The following CPEB1 variants were observed in gnomAD, a reference collection of about 807,000 sequenced individuals.
The protein encoded by CPEB1 is cytoplasmic polyadenylation element-binding protein 1.
Under a neutral mutation model 65.8 loss-of-function variants are expected in CPEB1, and 7 were observed. That is an observed-to-expected ratio of 0.11 (90% confidence interval 0.06 to 0.20). The LOEUF is 0.20. Among genes scored for constraint, CPEB1 ranks in the 10% least tolerant of loss-of-function variants. The probability of loss-of-function intolerance (pLI) is 1.00; values close to 1 mark genes in which losing one functional copy is unlikely to be tolerated. For missense variants in CPEB1, 551 were observed against 712.2 expected (o/e 0.77, Z 2.58); for synonymous variants, 262 against 260.0 (o/e 1.01, Z -0.08).
intron 3 of CPEB1, among the ~76,000 whole-genome samples, chr15:82,612,725 T>G (rs1360616363): frequency 6.6e-6 from 1 of 151,794 alleles, no homozygotes; most frequent in Non-Finnish European, 1.5e-5. Context: ...TCCCAGCTAC[T>G]CAGGAGGCTG....
In CPEB1 at chr15:82,571,657, G is replaced by A. The variant is rs1469030000; in HGVS notation, c.272-125C>T. 4 of 1,455,804 alleles carry A rather than the reference G, an allele frequency of 2.7e-6. No individual in the cohort carries two copies. In the African/African-American group the frequency reaches 5.7e-5, roughly 21 times the overall value. The allele number at this position is 1,455,804 out of a possible 1,614,324, so 90.2% of individuals were successfully genotyped here. A position where few individuals can be genotyped will look rare whatever the true frequency, so the allele number is the denominator to read the frequency against. On this transcript the variant is annotated intron_variant, in intron 3 of 12. Transcript: ENST00000684509. ...ACAGGCCAGACATCCAAGCTGGCTG[G>A]ATGCTGCAGCCGCTGCCTCTGCACT...
At chr15:82,574,042 CA>C (rs1190571540) in intron 3 of CPEB1, among the ~76,000 whole-genome samples, 1 of 152,132 alleles carries the variant, frequency 6.6e-6, no homozygotes, top group Non-Finnish European at 1.5e-5. Flanking sequence ...CAGGCCTGAG[CA>C]ACAGGTCTGT....
chr15:82,565,100 A>G (rs1431986156), intron 4 of CPEB1, among the ~76,000 whole-genome samples: 1 of 152,208 alleles, frequency 6.6e-6, no homozygotes, highest in Non-Finnish European at 1.5e-5. Context: ...GAAGATACCA[A>G]GAAGACAAGA....
chr15:82,639,469 G>A (rs1386818108), intron 1 of CPEB1, among the ~76,000 whole-genome samples: 1 of 150,048 alleles, frequency 6.7e-6, no homozygotes, highest in Non-Finnish European at 1.5e-5. Context: ...AATCATGTGG[G>A]TATTCTTTTG....
At chr15:82,616,802 G>A (rs1337406076) in intron 3 of CPEB1, among the ~76,000 whole-genome samples, 8 of 152,100 alleles carry the variant, frequency 5.3e-5, no homozygotes, top group Non-Finnish European at 1.0e-4. Context: ...GCAAATATAT[G>A]CATTTAAATC....
Position 82,591,839 on chromosome 15 carries a change from G to C in CPEB1, c.272-20307C>G, listed in dbSNP as rs1209347509. Among the ~76,000 whole-genome samples, 4 of 148,486 alleles carry C rather than the reference G, an allele frequency of 2.7e-5. 1 individual carries two copies. Among genetic ancestry groups the C allele is most frequent in the Non-Finnish European group, 6.0e-5 (4 of 67,034 alleles). On this transcript the variant is annotated intron_variant, in intron 3 of 12. Coordinates refer to ENST00000684509, the MANE Select transcript of CPEB1 (RefSeq NM_001365242.1). ...TTCATCATTGTTTTAGTTTGTATCA[G>C]AACTTTTTTTTTTTTTTTTTTAAGA...
At position 82,555,856 on chromosome 15, in the gene CPEB1, C is replaced by A; in HGVS notation, c.940+14G>T. 6.2e-7 allele frequency: 1 copy of A among 1,605,558 alleles called. No individual in the cohort carries two copies. The highest frequency in any genetic ancestry group is 1.1e-5 in the South Asian group (1 of 89,462). On this transcript the variant is annotated intron_variant, in intron 6 of 12. Coordinates refer to ENST00000684509, the MANE Select transcript of CPEB1 (RefSeq NM_001365242.1). ...TGAGGCCTCAGGCCTCACACATGCT[C>A]AAGGCACACTCACCTGCAGCTTGTC...
At chr15:82,633,412 G>A (rs1368903531) in intron 1 of CPEB1, among the ~76,000 whole-genome samples, 2 of 152,146 alleles carry the variant, frequency 1.3e-5, no homozygotes, top group Admixed American at 6.5e-5. Context: ...TGCTCTTGTC[G>A]CCCACGCTGG....
At chr15:82,601,342 AC>A (rs1166665399) in intron 3 of CPEB1, among the ~76,000 whole-genome samples, 1 of 151,700 alleles carries the variant, frequency 6.6e-6, no homozygotes, top group African/African-American at 2.4e-5. Context: ...GGAGTCCAAG[AC>A]CAGCCAGGCC....
intron 3 of CPEB1, among the ~76,000 whole-genome samples, chr15:82,593,222 A>G (rs543465764): frequency 1.3e-5 from 2 of 152,336 alleles, no homozygotes; most frequent in South Asian, 2.1e-4. Flanking sequence ...ATGCTGTTTG[A>G]TAACATTTTA....
intron 1 of CPEB1, among the ~76,000 whole-genome samples, chr15:82,640,355 C>G (rs2047007147): frequency 2.6e-5 from 4 of 152,158 alleles, no homozygotes; most frequent in Admixed American, 2.6e-4. Flanking sequence ...TTTTTATACT[C>G]ATATGTGCTC....
intron 11 of CPEB1, 98 bp from the exon 12 acceptor site, chr15:82,546,619 G>T: frequency 1.2e-6 from 1 of 864,190 alleles, no homozygotes; most frequent in Non-Finnish European, 2.0e-6. Flanking sequence ...ACACAGGAAT[G>T]CGGGATATTG....
chr15:82,620,959 A>G (rs751162239), intron 3 of CPEB1, among the ~76,000 whole-genome samples: 28 of 152,368 alleles, frequency 1.8e-4, no homozygotes, highest in Admixed American at 4.6e-4. Context: ...GTACACTCAT[A>G]CTTTTCTGTA....
At chr15:82,614,691 T>C (rs1183476286) in intron 3 of CPEB1, among the ~76,000 whole-genome samples, 1 of 151,908 alleles carries the variant, frequency 6.6e-6, no homozygotes, top group Non-Finnish European at 1.5e-5. Context: ...CCAGGCCCAA[T>C]ACTGAGGATT....
At chr15:82,577,049 G>C (rs1179843580) in intron 3 of CPEB1, among the ~76,000 whole-genome samples, 1 of 152,136 alleles carries the variant, frequency 6.6e-6, no homozygotes, top group Non-Finnish European at 1.5e-5. Context: ...CATTAAATGA[G>C]GCATTATAGT....
chr15:82,572,255 C>T (rs557622592), intron 3 of CPEB1, among the ~76,000 whole-genome samples: 4 of 152,194 alleles, frequency 2.6e-5, no homozygotes, highest in Non-Finnish European at 4.4e-5. Context: ...CTGAGCAGCA[C>T]CCTGACACAG....
At chr15:82,619,301 G>C (rs749485877) in intron 3 of CPEB1, among the ~76,000 whole-genome samples, 12 of 152,168 alleles carry the variant, frequency 7.9e-5, no homozygotes. Flanking sequence ...CAAAATTCCA[G>C]ATGGGTTGCA....
intron 3 of CPEB1, among the ~76,000 whole-genome samples, chr15:82,585,815 G>T (rs767295690): frequency 6.6e-6 from 1 of 152,026 alleles, no homozygotes; most frequent in Non-Finnish European, 1.5e-5. Context: ...TATTCCTTTT[G>T]TACCATTTCC....
chr15:82,625,794 TA>T (rs1462678162), intron 3 of CPEB1, among the ~76,000 whole-genome samples: 1 of 152,106 alleles, frequency 6.6e-6, no homozygotes, highest in Non-Finnish European at 1.5e-5. Flanking sequence ...GGACCATTTT[TA>T]AAAATTAAAC....
Sources: allele counts gnomAD v4.1 joint callset (sites outside exome capture counted in the v4.1 genomes callset), GRCh38; gene constraint gnomAD v4.1.1; transcripts MANE v1.5; gene names NCBI Gene and HGNC (gene_info 2026-07-23, HGNC 2026-07-21).